The following RBFOX1 variants were observed in gnomAD, a reference collection of about 807,000 sequenced individuals.
RBFOX1 encodes RNA binding fox-1 homolog 1.
In RBFOX1, 8 loss-of-function variants were observed where a neutral mutation model predicts 57.7. The observed-to-expected ratio is 0.14, with a 90% CI of 0.08 to 0.25. The LOEUF is 0.25. Among genes scored for constraint, RBFOX1 ranks in the 10% least tolerant of loss-of-function variants. The probability of loss-of-function intolerance (pLI) is 1.00; values close to 1 mark genes in which losing one functional copy is unlikely to be tolerated. For synonymous variants in RBFOX1, 326 were observed against 222.4 expected (o/e 1.47, Z -4.15); for missense variants, 611 against 548.5 (o/e 1.11, Z -1.14).
chr16:6,239,485 CTTTTTTTTTTTTTTTT>C lies in RBFOX1; in HGVS notation c.-126-77496_-126-77481del, dbSNP rs59244306. 4.6e-3 allele frequency among the ~76,000 whole-genome samples: 312 copies of C among 67,818 alleles called. 1 individual carries two copies. Among genetic ancestry groups the C allele is most frequent in the African/African-American group, 0.016 (283 of 17,742 alleles). 44.5% of individuals were successfully genotyped at this position (67,818 alleles called of 152,430 possible). ...ATAACTTATTCTTCTCCAACTGACT[CTTTTTTTTTTTTTTTT>C]TTTTTTTTTTTTTCTGAGATAGAGT... On this transcript the variant is annotated intron_variant, in intron 1 of 15. Transcript: ENST00000550418.
At chr16:5,882,102 T>C (rs2057778668) in intron 4 of RBFOX1, among the ~76,000 whole-genome samples, 1 of 152,226 alleles carries the variant, frequency 6.6e-6, no homozygotes, top group Non-Finnish European at 1.5e-5. Flanking sequence ...AGAGATTAAG[T>C]AACAAAGTCA....
intron 3 of RBFOX1, among the ~76,000 whole-genome samples, chr16:7,028,943 T>G (rs57332013): frequency 0.09 from 13,336 of 148,880 alleles, 994 homozygotes; most frequent in East Asian, 0.32. Context: ...TAATGAAAGT[T>G]TAAATGACCA....
intron 3 of RBFOX1, among the ~76,000 whole-genome samples, chr16:6,834,772 A>G (rs1471120019): frequency 1.3e-5 from 2 of 152,134 alleles, no homozygotes; most frequent in Non-Finnish European, 2.9e-5. Context: ...TACTCAGGTA[A>G]CTGTGGCTCT....
chr16:5,927,921 G>C (rs114950234), intron 4 of RBFOX1, among the ~76,000 whole-genome samples: 190 of 152,238 alleles, frequency 1.2e-3, no homozygotes, highest in African/African-American at 4.3e-3. Flanking sequence ...ACAGAGAGTA[G>C]AATGGTGGTT....
chr16:5,258,019 C>T (rs1370964984), intron 1 of RBFOX1, among the ~76,000 whole-genome samples: 2 of 151,976 alleles, frequency 1.3e-5, no homozygotes, highest in Non-Finnish European at 2.9e-5. Context: ...GCTGGGACTG[C>T]GGGTGCACAC....
intron 9 of RBFOX1, among the ~76,000 whole-genome samples, chr16:7,602,891 T>C (rs1206174574): frequency 6.6e-6 from 1 of 152,196 alleles, no homozygotes; most frequent in South Asian, 2.1e-4. Context: ...AAGTATTTTC[T>C]TAGACCATAA....
chr16:7,502,031 C>G (rs899197869), intron 4 of RBFOX1, among the ~76,000 whole-genome samples: 1 of 152,178 alleles, frequency 6.6e-6, no homozygotes, highest in Non-Finnish European at 1.5e-5. Context: ...ATTGCCCTTG[C>G]TTTCTGGCAA....
At chr16:6,976,900 T>C (rs1220871823) in intron 3 of RBFOX1, among the ~76,000 whole-genome samples, 4 of 144,882 alleles carry the variant, frequency 2.8e-5, no homozygotes, top group Non-Finnish European at 6.0e-5. Flanking sequence ...ATATGGTGTA[T>C]ATCATATATA....
intron 5 of RBFOX1, among the ~76,000 whole-genome samples, chr16:7,540,979 T>A (rs552127597): frequency 7.1e-4 from 108 of 152,266 alleles, no homozygotes; most frequent in African/African-American, 2.5e-3. Flanking sequence ...GCATTGAAGG[T>A]TTAGCTCTCT....
intron 3 of RBFOX1, among the ~76,000 whole-genome samples, chr16:6,690,930 C>T (rs191518666): frequency 6.6e-6 from 1 of 152,146 alleles, no homozygotes; most frequent in South Asian, 2.1e-4. Flanking sequence ...CCGGCTAAAT[C>T]TGTCAACCTG....
chr16:6,118,460 G>T (rs539247904), intron 1 of RBFOX1, among the ~76,000 whole-genome samples: 20 of 152,300 alleles, frequency 1.3e-4, no homozygotes, highest in African/African-American at 4.1e-4. Flanking sequence ...ATGGCATCTT[G>T]TTGCCATGTC....
At chr16:6,377,060 C>T (rs1333564536) in intron 2 of RBFOX1, among the ~76,000 whole-genome samples, 1 of 151,822 alleles carries the variant, frequency 6.6e-6, no homozygotes, top group East Asian at 1.9e-4. Context: ...TCACTTTGAA[C>T]TCAGGAGTTC....
chr16:5,953,987 C>G lies in RBFOX1; in HGVS notation c.351+86652C>G, dbSNP rs144844569. Among the ~76,000 whole-genome samples the G allele has an allele frequency of 3.2e-3, 489 of 152,238 alleles. 3 individuals are homozygous for G. The highest frequency in any genetic ancestry group is 0.01 in the African/African-American group (425 of 41,550). On this transcript the variant is annotated intron_variant, in intron 4 of 19. Coordinates refer to the RBFOX1 transcript ENST00000641259. ...ACCCCCAGGGGACATTTGGAAATGT[C>G]TGGAGACACCTTGGCTTGTCACCAC...
chr16:5,400,918 A>T (rs944296484), intron 1 of RBFOX1, among the ~76,000 whole-genome samples: 3 of 151,930 alleles, frequency 2.0e-5, no homozygotes, highest in African/African-American at 7.2e-5. Context: ...TCATTTTTCT[A>T]TTGGGGCATT....
chr16:6,999,460 A>G (rs962113994), intron 3 of RBFOX1, among the ~76,000 whole-genome samples: 1 of 151,292 alleles, frequency 6.6e-6, no homozygotes, highest in Non-Finnish European at 1.5e-5. Context: ...TTTGAGACGG[A>G]GTCTTGCTCT....
At chr16:5,581,823 C>G (rs952642342) in intron 2 of RBFOX1, among the ~76,000 whole-genome samples, 9 of 152,144 alleles carry the variant, frequency 5.9e-5, no homozygotes, top group African/African-American at 2.2e-4. Context: ...AAGGTGGGCC[C>G]AGGTAAGGTG....
chr16:6,221,539 AACATTTCCTATCATTTGTTAAT>A (rs1555560641), intron 1 of RBFOX1, among the ~76,000 whole-genome samples: 1 of 152,204 alleles, frequency 6.6e-6, no homozygotes, highest in Non-Finnish European at 1.5e-5. Context: ...GTGTCATCCA[AACATTTCCTATCATTTGTTAAT>A]ATGATCTTAA....
At chr16:5,944,905 G>A (rs1265038211) in intron 4 of RBFOX1, among the ~76,000 whole-genome samples, 1 of 136,200 alleles carries the variant, frequency 7.3e-6, no homozygotes, top group Non-Finnish European at 1.5e-5. Context: ...GGCAGAGGTT[G>A]CAATGAGCTG....
chr16:7,610,371 C>A (rs1366067479), intron 10 of RBFOX1, among the ~76,000 whole-genome samples: 1 of 151,284 alleles, frequency 6.6e-6, no homozygotes, highest in Non-Finnish European at 1.5e-5. Flanking sequence ...TGCGCCCAGC[C>A]TGTTTATTTA....
Sources: allele counts gnomAD v4.1 joint callset (sites outside exome capture counted in the v4.1 genomes callset), GRCh38; gene constraint gnomAD v4.1.1; transcripts MANE v1.5; gene names NCBI Gene and HGNC (gene_info 2026-07-23, HGNC 2026-07-21).